FASN: variants seen among roughly 807,000 people sequenced by gnomAD.
FASN encodes the protein 3-hydroxyacyl-[acyl-carrier-protein] dehydratase.
Under a neutral mutation model 250.0 loss-of-function variants are expected in FASN, and 50 were observed. That is an observed-to-expected ratio of 0.20 (90% CI 0.16 to 0.25). The LOEUF is 0.25. FASN is among the 10% of genes least tolerant of loss of function. FASN has a pLI of 1.00. For synonymous variants in FASN, 1,909 were observed against 1,584.0 expected (o/e 1.21, Z -4.87); for missense variants, 3,031 against 3,498.5 (o/e 0.87, Z 3.37).
At position 82,085,087 on chromosome 17, in the gene FASN, C is replaced by A; in HGVS notation, c.4357G>T (p.Val1453Leu). ...CGGAGACAGTTCACCAAGCCCACCA[C>A]GCCCGAGGTGGCACAGTTGATGGCC... is the stretch of plus-strand genomic sequence containing the variant. ...LKAINCATSG[V>L]VGLVNCLRRE... The change falls in exon 25 of 43, where the codon GTG becomes TTG. Residue 1453 changes from valine to leucine, a missense_variant. Val to Leu is a conservative substitution (Grantham distance 32). Coordinates refer to ENST00000306749, the MANE Select transcript of FASN (RefSeq NM_004104.5). The A allele has an allele frequency of 6.2e-7, 1 of 1,612,582 alleles. No individual in the cohort carries two copies. The highest frequency in any genetic ancestry group is 8.5e-7 in the Non-Finnish European group (1 of 1,179,872).
At chr17:82,081,404 T>C (rs983122986) in intron 37 of FASN, 52 bp from the exon 38 acceptor site, 2 of 1,561,224 alleles carry the variant, frequency 1.3e-6, no homozygotes, top group Non-Finnish European at 1.7e-6. Context: ...GGGGACGGCC[T>C]GTATGCGGCA....
At chr17:82,095,733 G>A (rs1003201613) in intron 2 of FASN, among the ~76,000 whole-genome samples, 2 of 152,222 alleles carry the variant, frequency 1.3e-5, no homozygotes, top group Non-Finnish European at 2.9e-5. Context: ...AGAGCTCGGC[G>A]GGAGTGAGGC....
Position 82,083,963 on chromosome 17 carries a change from G to T in FASN, c.5098+12C>A. On this transcript the variant is annotated intron_variant, in intron 29 of 42. Transcript: ENST00000306749. ...AGGAGGGCAGCGGGAGGCACCGGGGGCGGGGCCTTACCCACGGTGGTGAAG... is the reference window on the plus strand; with the variant it reads ...AGGAGGGCAGCGGGAGGCACCGGGGTCGGGGCCTTACCCACGGTGGTGAAG... The T allele has an allele frequency of 6.5e-7, 1 of 1,542,802 alleles. No individual in the cohort carries two copies. Among genetic ancestry groups the T allele is most frequent in the Non-Finnish European group, 8.7e-7 (1 of 1,146,244 alleles).
At chr17:82,094,805 T>A (rs1304420396) in intron 3 of FASN, among the ~76,000 whole-genome samples, 4 of 148,586 alleles carry the variant, frequency 2.7e-5, no homozygotes, top group Non-Finnish European at 4.5e-5. Flanking sequence ...AATAAATAAA[T>A]AAAAATAAAA....
rs753093406 is a variant in FASN at position 82,083,564 on chromosome 17, C to T, written c.5294G>A (p.Arg1765His). The T allele has an allele frequency of 8.1e-6, 13 of 1,612,680 alleles. No individual in the cohort carries two copies. The highest frequency in any genetic ancestry group is 1.1e-5 in the South Asian group (1 of 91,096). The change falls in exon 31 of 43, where the codon CGC (arginine) becomes CAC (histidine). Residue 1765 changes from arginine (R) to histidine (H), a missense_variant. Arg to His is a conservative substitution (Grantham distance 29). Coordinates refer to ENST00000306749, the MANE Select transcript of FASN (RefSeq NM_004104.5). The part of the protein sequence containing the change: ...ASVRCLATHG[R>H]FLEIGKFDLS... ...GTCGAATTTGCCAATTTCCAGGAAG[C>T]GACCGTGCGTAGCCAAGCACCTCAC... is the stretch of plus-strand genomic sequence containing the variant.
At position 82,079,075 on chromosome 17, in the gene FASN, T is replaced by C; in HGVS notation, c.*68A>G. On this transcript the variant is annotated 3_prime_UTR_variant, in exon 43 of 43. Coordinates refer to ENST00000306749, the MANE Select transcript of FASN (RefSeq NM_004104.5). ...GGCAGGACCCTTCAATCCCGTTGCA[T>C]GGCGGGGGTGGGGTGGGGTGGGGTG... 8.1e-7 allele frequency: 1 copy of C among 1,236,370 alleles called. No individual in the cohort carries two copies. The highest frequency in any genetic ancestry group is 3.2e-5 in the East Asian group (1 of 31,696). 76.6% of individuals were successfully genotyped at this position (1,236,370 alleles called of 1,614,324 possible). A position where few individuals can be genotyped will look rare whatever the true frequency, so the allele number is the denominator to read the frequency against.
chr17:82,083,504 C>A lies in FASN; in HGVS notation c.5341+13G>T. 6.2e-7 allele frequency: 1 copy of A among 1,612,816 alleles called. No individual in the cohort carries two copies. Among genetic ancestry groups the A allele is most frequent in the Non-Finnish European group, 8.5e-7 (1 of 1,179,982 alleles). ...ATCCATGCCCACCCCCGCCCAGGCG[C>A]TGCCGGCCTCACCGAGCGGGTGGTT... On this transcript the variant is annotated intron_variant, in intron 31 of 42. Transcript: ENST00000306749.
chr17:82,079,467 C>T lies in FASN; in HGVS notation c.7288G>A (p.Ala2430Thr), dbSNP rs779084550. The T allele has an allele frequency of 5.0e-6, 8 of 1,612,806 alleles. No individual in the cohort carries two copies. The highest frequency in any genetic ancestry group is 2.2e-5 in the East Asian group (1 of 44,894). The change falls in exon 42 of 43, where the codon GCT becomes ACT. Residue 2430 changes from alanine to threonine, a missense_variant. Coordinates refer to ENST00000306749, the MANE Select transcript of FASN (RefSeq NM_004104.5). ...TTGGCCTTGGGTGTGTACTGCTCAG[C>T]GGCACGCAGCTTGTAGTAGAAGGAC... is the stretch of plus-strand genomic sequence containing the variant. Reference protein sequence around the residue: ...ARSFYYKLRAAEQYTPKAKYH... With the variant: ...ARSFYYKLRATEQYTPKAKYH...
Position 82,086,286 on chromosome 17 carries a change from T to C in FASN, c.3700A>G (p.Asn1234Asp). The change falls in exon 22 of 43, where the codon AAC (asparagine) becomes GAC (aspartate). Residue 1234 changes from asparagine to aspartate, a missense_variant. Physicochemically the swap from Asn to Asp is conservative, Grantham distance 23. Coordinates refer to ENST00000306749, the MANE Select transcript of FASN (RefSeq NM_004104.5). ...LKACLDTAVE[N>D]MPSLKMKVVE... is the part of the protein sequence containing the mutation. ...ACCTTCATCTTCAGGCTGGGCATGTTCTCCACGGCAGTGTCCAGGCAGGCC... is the reference window on the plus strand; with the variant it reads ...ACCTTCATCTTCAGGCTGGGCATGTCCTCCACGGCAGTGTCCAGGCAGGCC... 1 of 1,588,154 alleles carries C rather than the reference T, an allele frequency of 6.3e-7. No homozygotes were observed. Among genetic ancestry groups the C allele is most frequent in the Non-Finnish European group, 8.5e-7 (1 of 1,173,066 alleles).
Position 82,079,351 on chromosome 17 carries a change from G to A in FASN, c.7398+6C>T. On this transcript the variant is annotated splice_donor_region_variant and intron_variant, in intron 42 of 42. Coordinates refer to ENST00000306749, the MANE Select transcript of FASN (RefSeq NM_004104.5). ...TGTCCCCGTTCCCGTCAGGCCCCTT[G>A]CGCACCTGGGAGAGGTTGTAGTCCG... 6.2e-7 allele frequency: 1 copy of A among 1,613,084 alleles called. No homozygotes were observed. The highest frequency in any genetic ancestry group is 1.6e-4 in the Middle Eastern group (1 of 6,062).
intron 2 of FASN, among the ~76,000 whole-genome samples, chr17:82,095,716 A>T (rs2034291969): frequency 6.6e-6 from 1 of 152,228 alleles, no homozygotes; most frequent in African/African-American, 2.4e-5. Context: ...GATGGGCCGC[A>T]GAGCAGAGAG....
In FASN at chr17:82,084,599, G is replaced by A. The variant is rs1249860692; in HGVS notation, c.4682C>T (p.Ala1561Val). 1.9e-6 allele frequency: 3 copies of A among 1,609,988 alleles called. No homozygotes were observed. The highest frequency in any genetic ancestry group is 1.7e-5 in the Admixed American group (1 of 59,558). The part of the protein sequence containing the change: ...LRHAQPTCPG[A>V]QLCTVYYASL... ...GGCGTAGTAGACCGTGCAGAGCTGGGCGCCAGGGCAGGTGGGCTGGGCATG... is the reference window on the plus strand; with the variant it reads ...GGCGTAGTAGACCGTGCAGAGCTGGACGCCAGGGCAGGTGGGCTGGGCATG... The change falls in exon 27 of 43, where the codon GCC becomes GTC. Residue 1561 changes from alanine to valine, a missense_variant. By Grantham distance (64) the Ala-to-Val change is moderately conservative. Coordinates refer to ENST00000306749, the MANE Select transcript of FASN (RefSeq NM_004104.5).
chr17:82,081,691 G>A lies in FASN; in HGVS notation c.6316C>T (p.Leu2106=). The stretch of plus-strand genomic sequence containing the variant: ...TTCTCAGCCAGCACAAAGCTGCTCA[G>A]GACCATGTGGGGCTGGTTCAGGAAG... The part of the protein sequence containing the change: ...DLFLNQPHMV[L]SSFVLAEKAA... The change falls in exon 37 of 43, where the codon CTG becomes TTG. Residue 2106 remains leucine, a synonymous_variant. Coordinates refer to ENST00000306749, the MANE Select transcript of FASN (RefSeq NM_004104.5). 6.2e-7 allele frequency: 1 copy of A among 1,612,782 alleles called. No individual in the cohort carries two copies. The highest frequency in any genetic ancestry group is 8.5e-7 in the Non-Finnish European group (1 of 1,180,004).
In FASN at chr17:82,085,400, G is replaced by A. The variant is rs17848940; in HGVS notation, c.4125C>T (p.Asp1375=). The A allele has an allele frequency of 2.9e-5, 46 of 1,609,784 alleles. No homozygotes were observed. The highest frequency in any genetic ancestry group is 2.5e-4 in the East Asian group (11 of 44,740). The change falls in exon 24 of 43, where the codon GAC becomes GAT. Residue 1375 remains aspartate, a splice_region_variant and synonymous_variant. Coordinates refer to ENST00000306749, the MANE Select transcript of FASN (RefSeq NM_004104.5). ...PQYGQGILSQ[D]AWESLFSRVS... ...CCCTGGAGAAGAGGCTCTCCCACGC[G>A]TCCTGTGGGGGCGGTGGTCAGCACC...
rs150228661 is a variant in FASN, at chr17:82,079,002, T to C, written c.*141A>G. On this transcript the variant is annotated 3_prime_UTR_variant, in exon 43 of 43. Coordinates refer to ENST00000306749, the MANE Select transcript of FASN (RefSeq NM_004104.5). ...GGGTGGGACATGCCTAACACCTACA[T>C]CTAGCAGCCTCGGGGGGCAGTGGCA... The C allele has an allele frequency of 0.038, 39,409 of 1,040,024 alleles. 1,056 individuals carry two copies. The highest frequency in any genetic ancestry group is 0.044 in the Non-Finnish European group (31,516 of 713,970). 64.4% of individuals were successfully genotyped at this position (1,040,024 alleles called of 1,614,324 possible).
chr17:82,095,268 C>T, intron 3 of FASN, 52 bp downstream of exon 3: 1 of 1,594,876 alleles, frequency 6.3e-7, no homozygotes, highest in South Asian at 1.1e-5. Flanking sequence ...ACTGCCTATT[C>T]CACGTGAGCA....
At position 82,087,424 on chromosome 17, in the gene FASN, C is replaced by T. The variant is rs374605220; in HGVS notation, c.3124G>A (p.Ala1042Thr). 6.2e-7 allele frequency: 1 copy of T among 1,612,634 alleles called. No individual in the cohort carries two copies. Among genetic ancestry groups the T allele is most frequent in the Admixed American group, 1.7e-5 (1 of 60,026 alleles). The change falls in exon 20 of 43, where the codon GCC becomes ACC. Residue 1042 changes from alanine (A) to threonine (T), a missense_variant. Physicochemically the swap from Ala to Thr is moderately conservative, Grantham distance 58. Coordinates refer to ENST00000306749, the MANE Select transcript of FASN (RefSeq NM_004104.5). ...GTGGGCAGGTACAGGCCGTGCTTGG[C>T]CGAGCCCAGGATGGACATCTGCAGC... Reference protein sequence around the residue: ...TMLQMSILGSAKHGLYLPTRV... With the variant: ...TMLQMSILGSTKHGLYLPTRV...
At chr17:82,095,282 G>A (rs2034284662) in intron 3 of FASN, 38 bp downstream of exon 3, 5 of 1,608,978 alleles carry the variant, frequency 3.1e-6, no homozygotes, top group Admixed American at 1.7e-5. Flanking sequence ...GTGAGCAGCA[G>A]GAGCCCTCGG....
rs2034065474 is a variant in FASN, at chr17:82,085,018, A to T, written c.4409+17T>A. 2 of 1,599,496 alleles carry T rather than the reference A, an allele frequency of 1.3e-6. No individual in the cohort carries two copies. Among genetic ancestry groups the T allele is most frequent in the African/African-American group, 1.3e-5 (1 of 74,316 alleles). ...GGCTGGTGGGGAAGGGGAAGTGGTG[A>T]GGGGCCGTGCTCCTACCGGAGGCGG... On this transcript the variant is annotated intron_variant, in intron 25 of 42. Transcript: ENST00000306749.
Sources: gnomAD v4.1 joint callset for allele counts (sites outside exome capture counted in the v4.1 genomes callset) on GRCh38, gnomAD v4.1.1 for gene constraint, MANE v1.5 for transcripts, NCBI Gene and HGNC (gene_info 2026-07-23, HGNC 2026-07-21) for gene names.